The following RALYL variants were observed in gnomAD, a reference collection of about 807,000 sequenced individuals.
RALYL encodes RNA-binding Raly-like protein.
In RALYL, 29 loss-of-function variants were observed where a neutral mutation model predicts 35.1. That is an observed-to-expected ratio of 0.83 (90% confidence interval 0.61 to 1.13). RALYL has a LOEUF of 1.13. Ranked by LOEUF, RALYL falls within the 50% of genes most tolerant of loss-of-function variation. The pLI is 0.00. For missense variants in RALYL, 359 were observed against 360.4 expected (o/e 1.00, Z 0.03); for synonymous variants, 120 against 127.6 (o/e 0.94, Z 0.40).
intron 7 of RALYL, among the ~76,000 whole-genome samples, chr8:84,877,559 TCTCA>T (rs1440386405): frequency 6.6e-6 from 1 of 152,074 alleles, no homozygotes; most frequent in Non-Finnish European, 1.5e-5. Flanking sequence ...GCTATAGTAT[TCTCA>T]CCCCTCCAAA....
intron 1 of RALYL, among the ~76,000 whole-genome samples, chr8:84,314,433 A>G (rs1346237819): frequency 6.6e-6 from 1 of 152,088 alleles, no homozygotes; most frequent in Non-Finnish European, 1.5e-5. Context: ...GATAATGACT[A>G]TAAATATACA....
chr8:84,193,547 TAAC>T (rs1734776600), intron 1 of RALYL, among the ~76,000 whole-genome samples: 2 of 152,224 alleles, frequency 1.3e-5, no homozygotes, highest in African/African-American at 4.8e-5. Flanking sequence ...ATAAAACTGA[TAAC>T]AATGCTGACT....
chr8:84,678,787 C>T (rs1834754644), intron 2 of RALYL: 1 of 153,216 alleles, frequency 6.5e-6, no homozygotes. Flanking sequence ...GAAGCACTGG[C>T]ATCTCTTAAA....
chr8:84,640,909 A>T (rs760128510), intron 2 of RALYL, among the ~76,000 whole-genome samples: 4 of 151,926 alleles, frequency 2.6e-5, no homozygotes, highest in Non-Finnish European at 1.5e-5. Flanking sequence ...CATTATAACT[A>T]GTTCCCTTCT....
At chr8:84,371,111 C>T (rs1206996611) in intron 1 of RALYL, among the ~76,000 whole-genome samples, 5 of 152,028 alleles carry the variant, frequency 3.3e-5, no homozygotes, top group South Asian at 2.1e-4. Context: ...CTCCTCCTCA[C>T]GGAAGCCCCA....
Position 84,471,905 on chromosome 8 carries a change from C to G in RALYL, c.-23-57394C>G, listed in dbSNP as rs116982667. Among the ~76,000 whole-genome samples, 977 of 152,244 alleles carry G rather than the reference C, an allele frequency of 6.4e-3. 1 individual carries two copies. Among genetic ancestry groups the G allele is most frequent in the Non-Finnish European group, 0.012 (826 of 68,010 alleles). On this transcript the variant is annotated intron_variant, in intron 1 of 8. Transcript: ENST00000521268. ...ATGAAGTGTTTGTTATATAAATAAA[C>G]TTGGTAATCCTAACATTATATTGAA...
intron 2 of RALYL, among the ~76,000 whole-genome samples, chr8:84,654,311 A>ATATC (rs1829523419): frequency 1.5e-5 from 2 of 129,622 alleles, no homozygotes; most frequent in Non-Finnish European, 3.2e-5. Context: ...ATATATATAT[A>ATATC]TATCATGTAC....
chr8:84,709,847 G>C (rs545323080), intron 2 of RALYL, among the ~76,000 whole-genome samples: 1 of 152,242 alleles, frequency 6.6e-6, no homozygotes, highest in Non-Finnish European at 1.5e-5. Context: ...GATTACTTGA[G>C]TTCAGGAGTT....
chr8:84,741,738 G>C (rs561667363), intron 2 of RALYL, among the ~76,000 whole-genome samples: 25 of 151,892 alleles, frequency 1.6e-4, no homozygotes, highest in Non-Finnish European at 3.5e-4. Context: ...ATTTACAGAA[G>C]AAAATATCAC....
At chr8:84,471,647 G>T (rs1391697608) in intron 1 of RALYL, among the ~76,000 whole-genome samples, 1 of 152,100 alleles carries the variant, frequency 6.6e-6, no homozygotes, top group Non-Finnish European at 1.5e-5. Context: ...AACATTGTAT[G>T]AAAATAAACA....
chr8:84,683,605 A>G (rs1291831862), intron 2 of RALYL, among the ~76,000 whole-genome samples: 2 of 152,186 alleles, frequency 1.3e-5, no homozygotes, highest in Non-Finnish European at 2.9e-5. Flanking sequence ...GCACAACTAC[A>G]TCTATACAGC....
chr8:84,271,571 A>G (rs1166142197), intron 1 of RALYL, among the ~76,000 whole-genome samples: 4 of 151,836 alleles, frequency 2.6e-5, no homozygotes, highest in African/African-American at 7.3e-5. Context: ...AGCATCTTAT[A>G]GGTAAATTGA....
chr8:84,347,675 A>G (rs2131002999), intron 1 of RALYL, among the ~76,000 whole-genome samples: 1 of 152,226 alleles, frequency 6.6e-6, no homozygotes, highest in South Asian at 2.1e-4. Context: ...CTATTTTCTG[A>G]GCAGACAAAA....
At chr8:84,204,301 T>C (rs925644677) in intron 1 of RALYL, among the ~76,000 whole-genome samples, 1 of 152,052 alleles carries the variant, frequency 6.6e-6, no homozygotes, top group African/African-American at 2.4e-5. Context: ...TTTTTATCAT[T>C]GGATTAAAAT....
chr8:84,648,411 A>C (rs966412891), intron 2 of RALYL, among the ~76,000 whole-genome samples: 2 of 152,054 alleles, frequency 1.3e-5, no homozygotes, highest in Admixed American at 6.6e-5. Flanking sequence ...ATGTGGTTTG[A>C]TTAGAAAGTA....
At chr8:84,251,595 T>C (rs1047537477) in intron 1 of RALYL, among the ~76,000 whole-genome samples, 8 of 152,172 alleles carry the variant, frequency 5.3e-5, no homozygotes, top group Non-Finnish European at 1.2e-4. Flanking sequence ...ATTGATATAT[T>C]TGTCCTTGAG....
chr8:84,352,375 CAAAAG>C lies in RALYL; in HGVS notation c.-24+167955_-24+167959del, dbSNP rs1295552251. ...AAGAGATATGGAAATTAAAAATACT[CAAAAG>C]AAACAAATCCTTGAAAATCCCAACA... On this transcript the variant is annotated intron_variant, in intron 1 of 8. Transcript: ENST00000521268. 5.3e-5 allele frequency among the ~76,000 whole-genome samples: 8 copies of C among 150,216 alleles called. No individual in the cohort carries two copies. In the South Asian group the frequency reaches 6.2e-4, roughly 12 times the overall value.
chr8:84,592,244 A>G (rs1813467957), intron 2 of RALYL, among the ~76,000 whole-genome samples: 2 of 152,146 alleles, frequency 1.3e-5, no homozygotes, highest in Admixed American at 6.6e-5. Flanking sequence ...TAAAAACCAT[A>G]AGGAAATGGT....
At chr8:84,547,647 G>A (rs1380986275) in intron 2 of RALYL, among the ~76,000 whole-genome samples, 1 of 151,912 alleles carries the variant, frequency 6.6e-6, no homozygotes, top group Admixed American at 6.6e-5. Flanking sequence ...CCAAAGTGCT[G>A]GGATTACAGG....
Sources: gnomAD v4.1 joint callset for allele counts (sites outside exome capture counted in the v4.1 genomes callset) on GRCh38, gnomAD v4.1.1 for gene constraint, MANE v1.5 for transcripts, NCBI Gene and HGNC (gene_info 2026-07-23, HGNC 2026-07-21) for gene names.